CACNA1E: variants seen among roughly 807,000 people sequenced by gnomAD.
CACNA1E encodes the protein calcium voltage-gated channel subunit alpha1 E.
CACNA1E carries 40 observed loss-of-function variants against 259.2 expected under a neutral mutation model. That is an observed-to-expected ratio of 0.15 (90% confidence interval 0.12 to 0.20). CACNA1E has a LOEUF of 0.20. CACNA1E is among the 10% of genes least tolerant of loss of function. The pLI, the probability that CACNA1E is intolerant of heterozygous loss-of-function variation, is 1.00. For synonymous variants in CACNA1E, 1,104 were observed against 1,138.5 expected, an observed-to-expected ratio of 0.97 and a Z score of 0.61; for missense variants, 1,874 against 3,040.1, an observed-to-expected ratio of 0.62 and a Z score of 9.02.
chr1:181,792,767 G>C (rs556799926), intron 44 of CACNA1E, among the ~76,000 whole-genome samples: 1 of 152,238 alleles, frequency 6.6e-6, no homozygotes, highest in East Asian at 1.9e-4. Flanking sequence ...CTTTTTGTTA[G>C]GTAGCCCACG....
chr1:181,544,163 T>C (rs921825817), intron 3 of CACNA1E, among the ~76,000 whole-genome samples: 1 of 152,208 alleles, frequency 6.6e-6, no homozygotes, highest in Non-Finnish European at 1.5e-5. Flanking sequence ...CTTGCTATAA[T>C]GTGGGTGGAC....
chr1:181,629,536 GT>G (rs1324927813), intron 6 of CACNA1E, among the ~76,000 whole-genome samples: 1 of 152,028 alleles, frequency 6.6e-6, no homozygotes, highest in Non-Finnish European at 1.5e-5. Flanking sequence ...ATTTGACTTA[GT>G]AACATTAAAA....
At chr1:181,508,249 C>G (rs1201771957) in intron 1 of CACNA1E, among the ~76,000 whole-genome samples, 1 of 152,000 alleles carries the variant, frequency 6.6e-6, no homozygotes, top group Non-Finnish European at 1.5e-5. Context: ...ACCTGCTTAA[C>G]TTTGCCCAAC....
intron 1 of CACNA1E, among the ~76,000 whole-genome samples, chr1:181,507,581 T>G (rs932056722): frequency 1.3e-5 from 2 of 152,052 alleles, no homozygotes; most frequent in Non-Finnish European, 2.9e-5. Flanking sequence ...ATGGTCCAAG[T>G]GGGTATTGTG....
rs506947 is a variant in CACNA1E, at chr1:181,532,470, A to C, written c.512+20960A>C. On this transcript the variant is annotated intron_variant, in intron 3 of 47. Transcript: ENST00000367573. ...TCATTACAAAGGTCAAGCTTCTCCC[A>C]AGCTTGGTGCAGGGGCTGTGCAGGC... 2.6e-5 allele frequency among the ~76,000 whole-genome samples: 4 copies of C among 152,258 alleles called. No homozygotes were observed. In the South Asian group the frequency reaches 8.3e-4, roughly 32 times the overall value.
chr1:181,398,838 C>A (rs768430073), intron 1 of CACNA1E, among the ~76,000 whole-genome samples: 2 of 152,176 alleles, frequency 1.3e-5, no homozygotes, highest in Non-Finnish European at 2.9e-5. Context: ...AAACCAACAC[C>A]CCTTTGAAAT....
At chr1:181,546,030 G>A (rs890509026) in intron 3 of CACNA1E, among the ~76,000 whole-genome samples, 1 of 152,082 alleles carries the variant, frequency 6.6e-6, no homozygotes, top group Non-Finnish European at 1.5e-5. Flanking sequence ...GCAGGAGAGC[G>A]GGATGACTGG....
At chr1:181,482,307 C>G (rs758638726), upstream of CACNA1E, among the ~76,000 whole-genome samples, 5 of 152,264 alleles carry the variant, frequency 3.3e-5, no homozygotes, top group Non-Finnish European at 5.9e-5. Context: ...CAGGGCACAG[C>G]ACTGGGGACA....
At chr1:181,790,941 C>T (rs191378733) in intron 44 of CACNA1E, among the ~76,000 whole-genome samples, 1 of 152,330 alleles carries the variant, frequency 6.6e-6, no homozygotes, top group East Asian at 1.9e-4. Flanking sequence ...TAGTTAGGTA[C>T]TGCTTGTGGG....
intron 6 of CACNA1E, among the ~76,000 whole-genome samples, chr1:181,608,280 G>A (rs1207021989): frequency 6.6e-6 from 1 of 152,128 alleles, no homozygotes; most frequent in Admixed American, 6.5e-5. Context: ...GAGGAGCGAG[G>A]AACGATGAGG....
chr1:181,675,618 T>G (rs1649292564), intron 7 of CACNA1E, among the ~76,000 whole-genome samples: 1 of 152,112 alleles, frequency 6.6e-6, no homozygotes, highest in Admixed American at 6.5e-5. Flanking sequence ...CAGTTTTGCA[T>G]GGGAAGGCAG....
chr1:181,420,905 T>C (rs936752947), intron 2 of CACNA1E, among the ~76,000 whole-genome samples: 2 of 152,224 alleles, frequency 1.3e-5, no homozygotes, highest in Non-Finnish European at 2.9e-5. Context: ...CCCCACTAGA[T>C]TGTAAGCAGA....
chr1:181,476,812 T>C (rs1245032266), intron 2 of CACNA1E, among the ~76,000 whole-genome samples: 1 of 152,098 alleles, frequency 6.6e-6, no homozygotes, highest in Non-Finnish European at 1.5e-5. Flanking sequence ...CCCCCATCAG[T>C]GGGAGCTGGG....
intron 7 of CACNA1E, among the ~76,000 whole-genome samples, chr1:181,662,481 T>C (rs550364978): frequency 2.9e-4 from 44 of 152,292 alleles, no homozygotes; most frequent in African/African-American, 1.0e-3. Context: ...TCTGTTCCTA[T>C]CACTTGCCAG....
Position 181,648,446 on chromosome 1 carries a change from C to T in CACNA1E, c.952-2892C>T, listed in dbSNP as rs77807764. The stretch of plus-strand genomic sequence containing the variant: ...CCTACATTTCAAAGGCTATGTTCTT[C>T]GATGTGTTACTAGATTTTCTCTGAA... On this transcript the variant is annotated intron_variant, in intron 6 of 47. Coordinates refer to ENST00000367573, the MANE Select transcript of CACNA1E (RefSeq NM_001205293.3). Among the ~76,000 whole-genome samples the T allele has an allele frequency of 3.9e-5, 6 of 152,096 alleles. No homozygotes were observed. The South Asian group carries it at 6.2e-4, about 16-fold the overall frequency.
At chr1:181,385,726 C>T (rs942557182) in intron 1 of CACNA1E, among the ~76,000 whole-genome samples, 6 of 151,890 alleles carry the variant, frequency 4.0e-5, no homozygotes, top group African/African-American at 1.5e-4. Flanking sequence ...TCCTTCCCTA[C>T]TCCACTTCCT....
chr1:181,384,795 C>T (rs945560728), intron 1 of CACNA1E, among the ~76,000 whole-genome samples: 20 of 152,032 alleles, frequency 1.3e-4, no homozygotes, highest in African/African-American at 3.1e-4. Context: ...TGCTAAATGA[C>T]GAGTTAATGG....
At chr1:181,358,495 G>T (rs1447498103) in intron 1 of CACNA1E, among the ~76,000 whole-genome samples, 1 of 152,148 alleles carries the variant, frequency 6.6e-6, no homozygotes. Context: ...AAATTTACTA[G>T]GTTGCAGGAG....
At chr1:181,481,806 C>A (rs566627558), upstream of CACNA1E, among the ~76,000 whole-genome samples, 1 of 152,188 alleles carries the variant, frequency 6.6e-6, no homozygotes, top group East Asian at 1.9e-4. Context: ...ACCTTTCCCA[C>A]CTCTGCAGCT....
Sources: gnomAD v4.1 joint callset for allele counts (sites outside exome capture counted in the v4.1 genomes callset) on GRCh38, gnomAD v4.1.1 for gene constraint, MANE v1.5 for transcripts, NCBI Gene and HGNC (gene_info 2026-07-23, HGNC 2026-07-21) for gene names.